MAGI2: variants seen among roughly 807,000 people sequenced by gnomAD.
MAGI2 encodes membrane-associated guanylate kinase, WW and PDZ domain-containing protein 2.
Under a neutral mutation model 133.3 loss-of-function variants are expected in MAGI2, and 35 were observed. That is an observed-to-expected ratio of 0.26 (90% CI 0.20 to 0.35). The LOEUF (loss-of-function observed/expected upper bound fraction) is 0.35, where lower values mean the gene tolerates loss of function less well. Ranked by LOEUF, MAGI2 falls within the 10% of genes least tolerant of loss-of-function variation. The pLI is 1.00. For synonymous variants in MAGI2, 729 were observed against 710.6 expected (o/e 1.03, Z -0.41); for missense variants, 1,636 against 1,863.4 (o/e 0.88, Z 2.25).
At chr7:78,588,510 G>A (rs1465775430) in intron 3 of MAGI2, among the ~76,000 whole-genome samples, 2 of 152,168 alleles carry the variant, frequency 1.3e-5, no homozygotes, top group Admixed American at 6.5e-5. Context: ...GCAACCTTCC[G>A]AGAGTGAAGG....
chr7:78,171,715 AC>A (rs1198823634), intron 14 of MAGI2, among the ~76,000 whole-genome samples: 1 of 152,052 alleles, frequency 6.6e-6, no homozygotes, highest in African/African-American at 2.4e-5. Context: ...ACCAGGTCAC[AC>A]CCTTTTAGTC....
chr7:78,227,883 T>TGTGTGTGTGTGTGTG (rs1563292086), intron 10 of MAGI2, among the ~76,000 whole-genome samples: 13 of 149,316 alleles, frequency 8.7e-5, no homozygotes, highest in Admixed American at 1.3e-4. Context: ...TGTGTGTGTG[T>TGTGTGTGTGTGTGTG]TTTAAACCCT....
chr7:78,892,213 C>T (rs1186216127), intron 2 of MAGI2, among the ~76,000 whole-genome samples: 2 of 152,108 alleles, frequency 1.3e-5, no homozygotes, highest in Non-Finnish European at 2.9e-5. Context: ...CAAACCACTG[C>T]TCAACGAAAT....
chr7:79,228,683 T>C (rs1831089590), intron 1 of MAGI2, among the ~76,000 whole-genome samples: 1 of 152,170 alleles, frequency 6.6e-6, no homozygotes, highest in South Asian at 2.1e-4. Context: ...TGGTTATTTA[T>C]GGTTGTGATT....
At chr7:79,106,273 A>G (rs185940840) in intron 1 of MAGI2, among the ~76,000 whole-genome samples, 2 of 152,094 alleles carry the variant, frequency 1.3e-5, no homozygotes, top group Admixed American at 6.5e-5. Flanking sequence ...GATAAGGAAC[A>G]AATCAGTGTT....
chr7:79,321,824 T>C (rs1585562405), intron 1 of MAGI2, among the ~76,000 whole-genome samples: 3 of 152,338 alleles, frequency 2.0e-5, no homozygotes, highest in Admixed American at 2.0e-4. Flanking sequence ...GACTAGGCAA[T>C]GACCTACATT....
intron 1 of MAGI2, among the ~76,000 whole-genome samples, chr7:79,093,620 A>G (rs1300404747): frequency 6.6e-6 from 1 of 151,634 alleles, no homozygotes; most frequent in Non-Finnish European, 1.5e-5. Context: ...CTCAACTTCC[A>G]TGGCTGATAA....
At chr7:78,766,552 G>A (rs1347523056) in intron 2 of MAGI2, among the ~76,000 whole-genome samples, 1 of 152,126 alleles carries the variant, frequency 6.6e-6, no homozygotes, top group Non-Finnish European at 1.5e-5. Flanking sequence ...GGCTGGCAAT[G>A]AGCCTCTTAC....
At chr7:78,787,094 T>C (rs1012648754) in intron 2 of MAGI2, among the ~76,000 whole-genome samples, 1 of 152,012 alleles carries the variant, frequency 6.6e-6, no homozygotes, top group African/African-American at 2.4e-5. Flanking sequence ...ATTACAGGTG[T>C]GCACCACCAG....
chr7:78,438,052 C>T (rs1192547102), intron 6 of MAGI2, among the ~76,000 whole-genome samples: 2 of 152,144 alleles, frequency 1.3e-5, no homozygotes, highest in Non-Finnish European at 1.5e-5. Flanking sequence ...ATACTTTGTT[C>T]CCTTCATCCT....
chr7:78,406,370 T>C (rs1797376054), intron 6 of MAGI2, among the ~76,000 whole-genome samples: 1 of 152,072 alleles, frequency 6.6e-6, no homozygotes, highest in African/African-American at 2.4e-5. Context: ...TTGGTTGTGT[T>C]TGTAAACTTT....
chr7:79,136,159 T>C (rs1821555353), intron 1 of MAGI2, among the ~76,000 whole-genome samples: 1 of 151,798 alleles, frequency 6.6e-6, no homozygotes, highest in Admixed American at 6.6e-5. Context: ...CAGTCTTACT[T>C]TTAACATTTA....
rs539008759 is a variant in MAGI2 at position 78,049,740 on chromosome 7, C to T, written c.3706+29207G>A. On this transcript the variant is annotated intron_variant, in intron 21 of 21. Coordinates refer to ENST00000354212, the MANE Select transcript of MAGI2 (RefSeq NM_012301.4). ...AGAATACAGTTGACGAGACTGTATC[C>T]TTGTAACAGACGACATCCTGTAACA... 1.1e-3 allele frequency among the ~76,000 whole-genome samples: 175 copies of T among 152,264 alleles called. 3 individuals are homozygous for T. The highest frequency in any genetic ancestry group is 1.2e-4 in the Non-Finnish European group (8 of 68,016).
At chr7:78,526,839 C>T (rs1796993756) in intron 3 of MAGI2, among the ~76,000 whole-genome samples, 1 of 151,598 alleles carries the variant, frequency 6.6e-6, no homozygotes, top group Admixed American at 6.6e-5. Context: ...GAAACTCCAT[C>T]TCTACTAAAA....
chr7:78,045,436 C>G (rs1811323373), intron 21 of MAGI2, among the ~76,000 whole-genome samples: 1 of 152,158 alleles, frequency 6.6e-6, no homozygotes, highest in Admixed American at 6.5e-5. Context: ...AAACACTTCT[C>G]TTCATGACCT....
intron 9 of MAGI2, among the ~76,000 whole-genome samples, chr7:78,334,763 C>T (rs1371445192): frequency 6.6e-6 from 1 of 152,164 alleles, no homozygotes; most frequent in Non-Finnish European, 1.5e-5. Context: ...TTCAAGATAA[C>T]AGACTGAACA....
intron 1 of MAGI2, among the ~76,000 whole-genome samples, chr7:79,451,872 TA>T (rs1310501921): frequency 6.6e-6 from 1 of 152,130 alleles, no homozygotes; most frequent in East Asian, 1.9e-4. Context: ...TGCAGTGAGC[TA>T]AAAAAGAAAA....
At chr7:78,522,443 A>G (rs975346343) in intron 3 of MAGI2, among the ~76,000 whole-genome samples, 4 of 152,216 alleles carry the variant, frequency 2.6e-5, no homozygotes, top group South Asian at 4.2e-4. Context: ...CAATGGTGCA[A>G]TCTTGGCGGA....
chr7:78,528,905 G>A (rs933960343), intron 3 of MAGI2, among the ~76,000 whole-genome samples: 4 of 151,808 alleles, frequency 2.6e-5, no homozygotes. Flanking sequence ...ATACTGAACA[G>A]TAAATTTCTG....
Sources: gnomAD v4.1 joint callset for allele counts (sites outside exome capture counted in the v4.1 genomes callset) on GRCh38, gnomAD v4.1.1 for gene constraint, MANE v1.5 for transcripts, NCBI Gene and HGNC (gene_info 2026-07-23, HGNC 2026-07-21) for gene names.